Variants in SERPINA6 observed in about 807,000 individuals in gnomAD.
SERPINA6 encodes the protein serpin family A member 6.
Under a neutral mutation model 26.4 loss-of-function variants are expected in SERPINA6, and 19 were observed. The observed-to-expected ratio is 0.72, with a 90% confidence interval of 0.50 to 1.06. The LOEUF is 1.06. Ranked by LOEUF, SERPINA6 falls within the 50% of genes least tolerant of loss-of-function variation. The pLI is 0.00. For missense variants in SERPINA6, 473 were observed against 504.0 expected (o/e 0.94, Z 0.59); for synonymous variants, 196 against 199.4 (o/e 0.98, Z 0.14).
At chr14:94,316,320 G>A (rs1895613680) in intron 1 of SERPINA6, among the ~76,000 whole-genome samples, 1 of 152,220 alleles carries the variant, frequency 6.6e-6, no homozygotes, top group Non-Finnish European at 1.5e-5. Flanking sequence ...TTGCACTTGA[G>A]AAGAATGTGT....
Position 94,314,552 on chromosome 14 carries a change from T to A in SERPINA6, c.97A>T (p.Ser33Cys). 2 of 1,614,228 alleles carry A rather than the reference T, an allele frequency of 1.2e-6. No homozygotes were observed. The highest frequency in any genetic ancestry group is 1.1e-5 in the South Asian group (1 of 91,088). ...GAAGCCAGGCCCCGGTGATGGTTAC[T>A]CATGTTCACATAAGCAGCGTTAGGA... ...MDPNAAYVNM[S>C]NHHRGLASAN... The change falls in exon 2 of 5, where the codon AGT (serine) becomes TGT (cysteine). Residue 33 changes from serine (S) to cysteine (C), a missense_variant. By Grantham distance (112) the Ser-to-Cys change is moderately radical. Coordinates refer to ENST00000341584, the MANE Select transcript of SERPINA6 (RefSeq NM_001756.4).
rs757533020 is a variant in SERPINA6 at position 94,309,905 on chromosome 14, T to C, written c.715A>G (p.Thr239Ala). Residue 239 changes from threonine to alanine, a missense_variant, in exon 3 of 5, where the codon ACC becomes GCC. Physicochemically the swap from Thr to Ala is moderately conservative, Grantham distance 58 (BLOSUM62 0). Transcript: ENST00000341584. The stretch of plus-strand genomic sequence containing the variant: ...TCCGAGTCATGAAGGTAACTGATGG[T>C]GCTCGACTGCAACATCATGGGCACC... ...VKVPMMLQSSTISYLHDSELP... is the reference protein window; with the variant it reads ...VKVPMMLQSSAISYLHDSELP... The C allele has an allele frequency of 6.2e-6, 10 of 1,614,032 alleles. No individual in the cohort carries two copies. Among genetic ancestry groups the C allele is most frequent in the Non-Finnish European group, 8.5e-6 (10 of 1,180,038 alleles).
At chr14:94,322,937 G>C (rs766976013) in intron 1 of SERPINA6, among the ~76,000 whole-genome samples, 3 of 136,468 alleles carry the variant, frequency 2.2e-5, no homozygotes, top group Non-Finnish European at 4.9e-5. Flanking sequence ...GCGACTCTGT[G>C]GCTGTTGTGG....
rs1403968277 is a variant in SERPINA6, at chr14:94,304,352, A to C, written c.*66T>G. ...ATTGGGGGAAACCTCCCGCTCTCCA[A>C]AACATTTCTGTGGGATCCCTGGTTC... On this transcript the variant is annotated 3_prime_UTR_variant, in exon 5 of 5. Coordinates refer to ENST00000341584, the MANE Select transcript of SERPINA6 (RefSeq NM_001756.4). The C allele has an allele frequency of 3.2e-6, 5 of 1,540,336 alleles. No individual in the cohort carries two copies. The highest frequency in any genetic ancestry group is 1.4e-5 in the African/African-American group (1 of 73,316).
At chr14:94,317,485 C>G (rs139374322) in intron 1 of SERPINA6, among the ~76,000 whole-genome samples, 1 of 152,132 alleles carries the variant, frequency 6.6e-6, no homozygotes, top group Non-Finnish European at 1.5e-5. Flanking sequence ...CTCTCCTGAT[C>G]CGATGTGGTA....
chr14:94,320,028 A>G (rs1310246466), intron 1 of SERPINA6, among the ~76,000 whole-genome samples: 1 of 152,228 alleles, frequency 6.6e-6, no homozygotes, highest in Non-Finnish European at 1.5e-5. Context: ...ATTAAAAAAA[A>G]TCCACCCAAG....
At position 94,314,178 on chromosome 14, in the gene SERPINA6, A is replaced by G. The variant is rs778324348; in HGVS notation, c.471T>C (p.Ala157=). Residue 157 remains alanine (A), a synonymous_variant, in exon 2 of 5, where the codon GCT becomes GCC. Transcript: ENST00000341584. ...IKHYYESEVL[A]MNFQDWATAS... ...CTGTTGCCCAGTCCTGGAAATTCAT[A>G]GCCAAGACCTCTGACTCATAGTAGT... 45 of 1,614,236 alleles carry G rather than the reference A, an allele frequency of 2.8e-5. No homozygotes were observed. The South Asian group carries it at 4.3e-4, about 15-fold the overall frequency.
chr14:94,312,528 G>A (rs1895546781), intron 2 of SERPINA6, among the ~76,000 whole-genome samples: 2 of 152,244 alleles, frequency 1.3e-5, no homozygotes, highest in African/African-American at 4.8e-5. Flanking sequence ...GTCTCGTGGG[G>A]GAGATGGTCT....
rs113418909 is a variant in SERPINA6 at position 94,314,305 on chromosome 14, A to G, written c.344T>C (p.Leu115Pro). The G allele has an allele frequency of 6.2e-7, 1 of 1,614,012 alleles. No individual in the cohort carries two copies. The highest frequency in any genetic ancestry group is 8.5e-7 in the Non-Finnish European group (1 of 1,180,036). The change falls in exon 2 of 5, where the codon CTC (leucine) becomes CCC (proline). Residue 115 changes from leucine to proline, a missense_variant. By Grantham distance (98) the Leu-to-Pro change is moderately conservative. Coordinates refer to ENST00000341584, the MANE Select transcript of SERPINA6 (RefSeq NM_001756.4). ...TAAGCTGGTGTCTGACTTTGCAAAGAGTTGGTGCAGGTGCTGGAAACCCTG... is the reference window on the plus strand; with the variant it reads ...TAAGCTGGTGTCTGACTTTGCAAAGGGTTGGTGCAGGTGCTGGAAACCCTG... The part of the protein sequence containing the change: ...IHQGFQHLHQ[L>P]FAKSDTSLEM...
At chr14:94,315,448 C>G (rs551836650) in intron 1 of SERPINA6, among the ~76,000 whole-genome samples, 191 of 152,286 alleles carry the variant, frequency 1.3e-3, no homozygotes, top group African/African-American at 4.5e-3. Flanking sequence ...TTATTTATCT[C>G]TGCTCTAATC....
At position 94,317,438 on chromosome 14, in the gene SERPINA6, G is replaced by T. The variant is rs80193306; in HGVS notation, c.-19-2771C>A. On this transcript the variant is annotated intron_variant, in intron 1 of 4. Transcript: ENST00000341584. ...GGAGAATGGGGTGGAGCTGTGGGAA[G>T]TTTGTGCCCTTTGCAGCGGGGAGGA... Among the ~76,000 whole-genome samples the T allele has an allele frequency of 3.3e-3, 507 of 152,296 alleles. 13 individuals are homozygous for T. In the South Asian group the frequency reaches 0.063, roughly 19 times the overall value.
chr14:94,316,451 G>C (rs1895615767), intron 1 of SERPINA6, among the ~76,000 whole-genome samples: 1 of 152,108 alleles, frequency 6.6e-6, no homozygotes, highest in African/African-American at 2.4e-5. Flanking sequence ...TTGAGAATGA[G>C]ATATTGAAGT....
intron 1 of SERPINA6, among the ~76,000 whole-genome samples, chr14:94,319,831 T>C (rs538166562): frequency 5.9e-5 from 9 of 152,224 alleles, no homozygotes; most frequent in African/African-American, 2.2e-4. Context: ...TGAGTGGGTA[T>C]AGAGTTTCAG....
chr14:94,306,961 A>G (rs925353670), intron 3 of SERPINA6, among the ~76,000 whole-genome samples: 3 of 152,152 alleles, frequency 2.0e-5, no homozygotes, highest in African/African-American at 7.2e-5. Context: ...GTGAACTCGC[A>G]CCGGCTCTCT....
intron 1 of SERPINA6, among the ~76,000 whole-genome samples, chr14:94,316,141 G>A (rs1463271925): frequency 6.6e-6 from 1 of 152,094 alleles, no homozygotes; most frequent in Non-Finnish European, 1.5e-5. Context: ...GATAAAGAGT[G>A]TGTTGTTTTT....
intron 1 of SERPINA6, among the ~76,000 whole-genome samples, chr14:94,322,255 TC>T (rs1379460458): frequency 6.6e-6 from 1 of 152,148 alleles, no homozygotes; most frequent in Non-Finnish European, 1.5e-5. Context: ...ATGCCTGTAA[TC>T]CCAGCACTTT....
intron 3 of SERPINA6, among the ~76,000 whole-genome samples, chr14:94,308,571 GC>G (rs1385875455): frequency 1.3e-5 from 2 of 151,506 alleles, no homozygotes; most frequent in Non-Finnish European, 2.9e-5. Context: ...GTCTGCATCA[GC>G]CCCCCTGCCA....
rs752853327 is a variant in SERPINA6, at chr14:94,314,635, A to G, written c.14T>C (p.Leu5Pro). 1 of 1,613,768 alleles carries G rather than the reference A, an allele frequency of 6.2e-7. No individual in the cohort carries two copies. Among genetic ancestry groups the G allele is most frequent in the Non-Finnish European group, 8.5e-7 (1 of 1,180,038 alleles). Residue 5 changes from leucine to proline, a missense_variant, in exon 2 of 5, where the codon CTG becomes CCG. Transcript: ENST00000341584. MPLL[L>P]YTCLLWLPTS... Reference sequence around the variant, plus strand: ...GGGCAGCCAGAGAAGACAGGTGTACAGGAGGAGTGGCATTGTCCAGTATAG... The same window carrying G: ...GGGCAGCCAGAGAAGACAGGTGTACGGGAGGAGTGGCATTGTCCAGTATAG...
At chr14:94,316,053 G>A (rs1490390602) in intron 1 of SERPINA6, among the ~76,000 whole-genome samples, 1 of 152,080 alleles carries the variant, frequency 6.6e-6, no homozygotes, top group Non-Finnish European at 1.5e-5. Context: ...ATAAGTTTTG[G>A]TATGTTGTGT....
Sources: gnomAD v4.1 joint callset for allele counts (sites outside exome capture counted in the v4.1 genomes callset) on GRCh38, gnomAD v4.1.1 for gene constraint, MANE v1.5 for transcripts, NCBI Gene and HGNC (gene_info 2026-07-23, HGNC 2026-07-21) for gene names.